TRAF3: variants seen among roughly 807,000 people sequenced by gnomAD.
TRAF3 encodes the protein TNF receptor-associated factor 3.
A neutral mutation model predicts 62.3 loss-of-function variants in TRAF3; 13 were observed. The observed-to-expected ratio is 0.21, with a 90% CI of 0.14 to 0.33. TRAF3 has a LOEUF of 0.33. TRAF3 is among the 10% of genes least tolerant of loss of function. TRAF3 has a pLI of 1.00. For synonymous variants in TRAF3, 269 were observed against 283.4 expected, an observed-to-expected ratio of 0.95 and a Z score of 0.51; for missense variants, 440 against 741.8, an observed-to-expected ratio of 0.59 and a Z score of 4.73.
At chr14:102,872,881 G>T (rs867608171) in intron 4 of TRAF3, among the ~76,000 whole-genome samples, 1 of 151,726 alleles carries the variant, frequency 6.6e-6, no homozygotes, top group African/African-American at 2.4e-5. Flanking sequence ...TAGTAGAGAC[G>T]GGGTTTCACC....
chr14:102,786,823 C>T (rs1346770584), intron 1 of TRAF3, among the ~76,000 whole-genome samples: 1 of 152,110 alleles, frequency 6.6e-6, no homozygotes, highest in South Asian at 2.1e-4. Flanking sequence ...GACCTTGTCT[C>T]TACAAAAAAT....
intron 1 of TRAF3, among the ~76,000 whole-genome samples, chr14:102,782,338 A>G (rs1015937579): frequency 9.9e-5 from 15 of 152,020 alleles, no homozygotes; most frequent in Non-Finnish European, 2.1e-4. Context: ...GGCTCAAGCA[A>G]TGCTCCTGCC....
rs1170587643 is a variant in TRAF3, at chr14:102,905,873, A to AAAGG, written c.*91_*94dup. On this transcript the variant is annotated 3_prime_UTR_variant, in exon 12 of 12. Transcript: ENST00000392745. ...CTTCACTGAGGTCCTCGCGCTCAGAAAAGGACCTTGTGAGACGGAGGAAGC... is the reference window on the plus strand; with the variant it reads ...CTTCACTGAGGTCCTCGCGCTCAGAAAAGGAAGGACCTTGTGAGACGGAGGAAGC... 8 of 1,254,752 alleles carry AAAGG rather than the reference A, an allele frequency of 6.4e-6. No individual in the cohort carries two copies. The East Asian group carries it at 1.7e-4, about 27-fold the overall frequency. 77.7% of individuals were successfully genotyped at this position (1,254,752 alleles called of 1,614,324 possible). A position where few individuals can be genotyped will look rare whatever the true frequency, so the allele number is the denominator to read the frequency against.
chr14:102,812,448 G>C (rs575453857), intron 1 of TRAF3, among the ~76,000 whole-genome samples: 1 of 152,070 alleles, frequency 6.6e-6, no homozygotes, highest in Non-Finnish European at 1.5e-5. Context: ...ATAGTGCTAC[G>C]GTAAATATGG....
At chr14:102,833,188 C>T (rs1437807495) in intron 2 of TRAF3, among the ~76,000 whole-genome samples, 1 of 152,204 alleles carries the variant, frequency 6.6e-6, no homozygotes, top group South Asian at 2.1e-4. Flanking sequence ...TTCTGTCTTT[C>T]TTGTCCCTCT....
intron 1 of TRAF3, among the ~76,000 whole-genome samples, chr14:102,796,429 C>G (rs1898088849): frequency 6.6e-6 from 1 of 152,220 alleles, no homozygotes; most frequent in African/African-American, 2.4e-5. Flanking sequence ...GTGAGCCACT[C>G]TGGCAAATTA....
Position 102,904,998 on chromosome 14 carries a change from G to C in TRAF3, c.1136-215G>C, listed in dbSNP as rs1258741629. On this transcript the variant is annotated intron_variant, in intron 11 of 11. Coordinates refer to ENST00000392745, the MANE Select transcript of TRAF3 (RefSeq NM_145725.3). ...GTGGTGGCAGGCACCTCTAATCCCA[G>C]CTGCTCAGGAGGCTGAGACAGGAGA... Among the ~76,000 whole-genome samples the C allele has an allele frequency of 2.0e-5, 3 of 152,266 alleles. No homozygotes were observed. In the East Asian group the frequency reaches 5.8e-4, roughly 29 times the overall value.
At position 102,909,918 on chromosome 14, in the gene TRAF3, G is replaced by A. The variant is rs1890775686; in HGVS notation, c.*4134G>A. 1 of 152,302 alleles carries A rather than the reference G, an allele frequency of 6.6e-6. No homozygotes were observed. The highest frequency in any genetic ancestry group is 1.5e-5 in the Non-Finnish European group (1 of 68,088). 9.4% of individuals were successfully genotyped at this position (152,302 alleles called of 1,614,324 possible). Reference sequence around the variant, plus strand: ...CAGCCAGAGGTGATGTTGGACAAAGGAAGGGGAGTCTGGATGGGTCCTTAA... The same window carrying A: ...CAGCCAGAGGTGATGTTGGACAAAGAAAGGGGAGTCTGGATGGGTCCTTAA... On this transcript the variant is annotated 3_prime_UTR_variant, in exon 12 of 12. Coordinates refer to ENST00000392745, the MANE Select transcript of TRAF3 (RefSeq NM_145725.3).
chr14:102,854,816 T>G, intron 2 of TRAF3, among the ~76,000 whole-genome samples: 1 of 151,990 alleles, frequency 6.6e-6, no homozygotes, highest in Non-Finnish European at 1.5e-5. Context: ...TTTTTTTTTT[T>G]TTTTAACAAT....
At chr14:102,818,075 G>A (rs565074728) in intron 1 of TRAF3, among the ~76,000 whole-genome samples, 7 of 152,298 alleles carry the variant, frequency 4.6e-5, no homozygotes, top group African/African-American at 1.7e-4. Flanking sequence ...TGAGGTGGTG[G>A]AGGCAGGCAG....
In TRAF3 at chr14:102,882,194, T is replaced by C. The variant is rs1889108676; in HGVS notation, c.571-3995T>C. 2.0e-5 allele frequency among the ~76,000 whole-genome samples: 3 copies of C among 152,178 alleles called. No homozygotes were observed. In the South Asian group the frequency reaches 6.2e-4, roughly 32 times the overall value. ...CTTTCATTTGATCTGGGCCTTGAATTTGTCAACTAAAGACAAGGGAGAAAG... is the reference window on the plus strand; with the variant it reads ...CTTTCATTTGATCTGGGCCTTGAATCTGTCAACTAAAGACAAGGGAGAAAG... On this transcript the variant is annotated intron_variant, in intron 6 of 11. Coordinates refer to ENST00000392745, the MANE Select transcript of TRAF3 (RefSeq NM_145725.3).
Position 102,777,481 on chromosome 14 carries a change from G to A in TRAF3, c.-351G>A, listed in dbSNP as rs1897055807. 6.9e-6 allele frequency: 1 copy of A among 144,608 alleles called. No homozygotes were observed. Among genetic ancestry groups the A allele is most frequent in the Non-Finnish European group, 1.5e-5 (1 of 65,048 alleles). The allele number at this position is 144,608 out of a possible 1,614,324, so 9.0% of individuals were successfully genotyped here. On this transcript the variant is annotated 5_prime_UTR_variant, in exon 1 of 12. Coordinates refer to ENST00000392745, the MANE Select transcript of TRAF3 (RefSeq NM_145725.3). Reference sequence around the variant, plus strand: ...TGCGTGAGGGAGCGAGGGAGCGAGGGAGCGCGGCGCGGCCGCCGCGTGCGC... The same window carrying A: ...TGCGTGAGGGAGCGAGGGAGCGAGGAAGCGCGGCGCGGCCGCCGCGTGCGC...
chr14:102,814,155 A>G (rs1899369402), intron 1 of TRAF3, among the ~76,000 whole-genome samples: 3 of 152,178 alleles, frequency 2.0e-5, no homozygotes, highest in South Asian at 2.1e-4. Context: ...TCACAGCACC[A>G]TTTGTTGAAG....
In TRAF3 at chr14:102,891,355, G is replaced by A. The variant is rs754770677; in HGVS notation, c.757G>A (p.Ala253Thr). The A allele has an allele frequency of 1.2e-6, 2 of 1,613,430 alleles. No individual in the cohort carries two copies. Among genetic ancestry groups the A allele is most frequent in the Non-Finnish European group, 1.7e-6 (2 of 1,179,886 alleles). ...GTNQQIKAHE[A>T]SSAVQHVNLL... ...AAACCAGCAGATCAAGGCCCACGAG[G>A]CCAGCTCCGCCGTGCAGCACGTCAA... is the stretch of plus-strand genomic sequence containing the variant. Residue 253 changes from alanine to threonine, a missense_variant, in exon 9 of 12, where the codon GCC becomes ACC. Physicochemically the swap from Ala to Thr is moderately conservative, Grantham distance 58 (BLOSUM62 0). Around this residue, in one of 6 missense-constraint regions of TRAF3, gnomAD observed 255 missense variants for 424.1 expected, o/e 0.60. Coordinates refer to ENST00000392745, the MANE Select transcript of TRAF3 (RefSeq NM_145725.3).
intron 1 of TRAF3, among the ~76,000 whole-genome samples, chr14:102,791,338 ATTCAATTATGTCTCCTTTAATTTCTT>A (rs1181338962): frequency 1.3e-5 from 2 of 152,068 alleles, no homozygotes; most frequent in African/African-American, 2.4e-5. Context: ...ATGTCTTTTC[ATTCAATTATGTCTCCTTTAATTTCTT>A]TAAGCAATAT....
At chr14:102,813,725 A>G (rs1899342628) in intron 1 of TRAF3, among the ~76,000 whole-genome samples, 1 of 151,774 alleles carries the variant, frequency 6.6e-6, no homozygotes, top group Admixed American at 6.6e-5. Flanking sequence ...TGCCAGGATT[A>G]CAGGCGTGAG....
At chr14:102,800,451 A>G (rs2139455810) in intron 1 of TRAF3, among the ~76,000 whole-genome samples, 1 of 152,264 alleles carries the variant, frequency 6.6e-6, no homozygotes, top group South Asian at 2.1e-4. Flanking sequence ...CATGAACTTG[A>G]CCAAGTTATT....
chr14:102,792,671 A>G (rs1897868568), intron 1 of TRAF3, among the ~76,000 whole-genome samples: 1 of 151,452 alleles, frequency 6.6e-6, no homozygotes, highest in South Asian at 2.1e-4. Flanking sequence ...CTAGTAATGT[A>G]GTGTATTGTA....
In TRAF3 at chr14:102,839,210, C is replaced by CTTTTTTTTTTTTTT. The variant is rs56998347; in HGVS notation, c.-18+8753_-18+8766dup. On this transcript the variant is annotated intron_variant, in intron 2 of 11. Coordinates refer to ENST00000392745, the MANE Select transcript of TRAF3 (RefSeq NM_145725.3). ...GAGAGATGCTTATTGGTTGATTTGC[C>CTTTTTTTTTTTTTT]TTTTTTTTTTTTTTTTTTTTTTTTT... Among the ~76,000 whole-genome samples, 42 of 89,826 alleles carry CTTTTTTTTTTTTTT rather than the reference C, an allele frequency of 4.7e-4. 1 individual carries two copies. Among genetic ancestry groups the CTTTTTTTTTTTTTT allele is most frequent in the African/African-American group, 1.6e-3 (37 of 22,586 alleles). The allele number at this position is 89,826 out of a possible 152,430, so 58.9% of individuals were successfully genotyped here. A position where few individuals can be genotyped will look rare whatever the true frequency, so the allele number is the denominator to read the frequency against.
Sources: allele counts gnomAD v4.1 joint callset (sites outside exome capture counted in the v4.1 genomes callset), GRCh38; gene constraint gnomAD v4.1.1; regional missense constraint gnomAD v4.1.1; transcripts MANE v1.5; gene names NCBI Gene and HGNC (gene_info 2026-07-23, HGNC 2026-07-21).